The following TSPEAR variants were observed in gnomAD, a reference collection of about 807,000 sequenced individuals.
TSPEAR encodes the protein thrombospondin type laminin G domain and EAR repeats.
Under a neutral mutation model 71.6 loss-of-function variants are expected in TSPEAR, and 69 were observed. The observed-to-expected ratio is 0.96, with a 90% CI of 0.79 to 1.18. The LOEUF is 1.18. Among genes scored for constraint, TSPEAR ranks in the 50% most tolerant of loss-of-function variants. TSPEAR has a pLI of 0.00. For synonymous variants in TSPEAR, 402 were observed against 387.2 expected, an observed-to-expected ratio of 1.04 and a Z score of -0.45; for missense variants, 971 against 894.9, an observed-to-expected ratio of 1.09 and a Z score of -1.09.
chr21:44,700,627 C>T (rs1388657310), intron 1 of TSPEAR, among the ~76,000 whole-genome samples: 2 of 152,204 alleles, frequency 1.3e-5, no homozygotes, highest in Non-Finnish European at 2.9e-5. Flanking sequence ...GGGAACTTCA[C>T]GGTTAAAGAA....
chr21:44,550,494 T>G, intron 2 of TSPEAR: 2 of 824,852 alleles, frequency 2.4e-6, no homozygotes, highest in South Asian at 1.8e-5. Context: ...GGAAGCACCG[T>G]GAGGAGAAGC....
intron 1 of TSPEAR, among the ~76,000 whole-genome samples, chr21:44,685,189 G>A (rs1275384367): frequency 5.3e-5 from 8 of 152,228 alleles, no homozygotes; most frequent in Admixed American, 2.6e-4. Flanking sequence ...GCAGGCACAG[G>A]AGGACCCACA....
At chr21:44,583,472 G>A (rs1441741463) in intron 1 of TSPEAR, among the ~76,000 whole-genome samples, 3 of 152,224 alleles carry the variant, frequency 2.0e-5, no homozygotes, top group African/African-American at 7.2e-5. Context: ...GTGTTGGCTG[G>A]TTTGTCGCAA....
chr21:44,651,544 C>G (rs974422349), intron 1 of TSPEAR, among the ~76,000 whole-genome samples: 3 of 152,104 alleles, frequency 2.0e-5, no homozygotes, highest in East Asian at 1.9e-4. Flanking sequence ...ATGGCTCGAG[C>G]CCTTGGTTCA....
intron 1 of TSPEAR, among the ~76,000 whole-genome samples, chr21:44,694,372 G>C (rs530637797): frequency 1.1e-4 from 16 of 152,218 alleles, no homozygotes; most frequent in Non-Finnish European, 2.4e-4. Context: ...CAACTTCACA[G>C]AAACAGAAAG....
rs200684127 is a variant in TSPEAR at position 44,580,050 on chromosome 21, A to G, written c.83-12045T>C. On this transcript the variant is annotated intron_variant, in intron 1 of 11. Transcript: ENST00000323084. ...GGTTTGCAGCAGACAGGCTTGCAAC[A>G]GACAGGCACGTAGCAGGACTGCTGG... 76 of 1,594,408 alleles carry G rather than the reference A, an allele frequency of 4.8e-5. 1 individual carries two copies. Among genetic ancestry groups the G allele is most frequent in the Middle Eastern group, 3.3e-4 (2 of 6,012 alleles).
chr21:44,697,816 C>CG, intron 1 of TSPEAR: 1 of 1,613,380 alleles, frequency 6.2e-7, no homozygotes, highest in South Asian at 1.1e-5. Context: ...TGTGCAGACC[C>CG]GCCCGCCGCG....
At position 44,530,011 on chromosome 21, in the gene TSPEAR, G is replaced by A. The variant is rs587598165; in HGVS notation, c.634-57C>T. On this transcript the variant is annotated intron_variant, in intron 4 of 11. Coordinates refer to ENST00000323084, the MANE Select transcript of TSPEAR (RefSeq NM_144991.3). ...GCGCTGCTGGGGAAGGACCCGCTGA[G>A]GAGGCGACCACTGAGCTTGGCCCAT... The A allele has an allele frequency of 6.6e-5, 98 of 1,474,266 alleles. 1 individual carries two copies. The Admixed American group carries it at 2.3e-3, about 34-fold the overall frequency. The allele number at this position is 1,474,266 out of a possible 1,614,324, so 91.3% of individuals were successfully genotyped here.
At position 44,675,953 on chromosome 21, in the gene TSPEAR, G is replaced by T. The variant is rs587688295; in HGVS notation, c.82+35480C>A. On this transcript the variant is annotated intron_variant, in intron 1 of 11. Transcript: ENST00000323084. ...TTCCATTATCTGTTTCGTTTCTAGGGTTATTCGGGCTTCCTTCAGCCAGTC... is the reference window on the plus strand; with the variant it reads ...TTCCATTATCTGTTTCGTTTCTAGGTTTATTCGGGCTTCCTTCAGCCAGTC... 53 of 822,218 alleles carry T rather than the reference G, an allele frequency of 6.4e-5. No homozygotes were observed. In the African/African-American group the frequency reaches 7.8e-4, roughly 12 times the overall value. The allele number at this position is 822,218 out of a possible 1,614,324, so 50.9% of individuals were successfully genotyped here.
At chr21:44,581,195 T>G (rs1273186520) in intron 1 of TSPEAR, among the ~76,000 whole-genome samples, 1 of 152,220 alleles carries the variant, frequency 6.6e-6, no homozygotes, top group Non-Finnish European at 1.5e-5. Flanking sequence ...CATGCCACCC[T>G]CAGAGCCCTC....
intron 9 of TSPEAR, among the ~76,000 whole-genome samples, chr21:44,510,420 C>T (rs1191712771): frequency 6.6e-6 from 1 of 152,224 alleles, no homozygotes; most frequent in African/African-American, 2.4e-5. Flanking sequence ...CCCGTGACAG[C>T]AACCACTGGG....
intron 1 of TSPEAR, chr21:44,675,758 G>T: frequency 1.9e-6 from 1 of 513,504 alleles, no homozygotes; most frequent in East Asian, 3.5e-5. Context: ...AACAGTACTT[G>T]TAAGCCTGCT....
chr21:44,655,119 TA>T (rs1985063941), intron 1 of TSPEAR, among the ~76,000 whole-genome samples: 1 of 152,258 alleles, frequency 6.6e-6, no homozygotes, highest in Non-Finnish European at 1.5e-5. Flanking sequence ...CACAGAGGTC[TA>T]GCACTGTGCC....
chr21:44,516,945 G>A (rs782008005), intron 9 of TSPEAR, among the ~76,000 whole-genome samples: 8 of 152,058 alleles, frequency 5.3e-5, no homozygotes, highest in Non-Finnish European at 7.4e-5. Flanking sequence ...TCTTCCCATC[G>A]CAGGAGCCCC....
intron 1 of TSPEAR, among the ~76,000 whole-genome samples, chr21:44,700,528 C>T (rs782036215): frequency 5.3e-5 from 8 of 152,186 alleles, no homozygotes; most frequent in Non-Finnish European, 8.8e-5. Context: ...CTGGAGGCCC[C>T]GGGGGTGCCG....
chr21:44,622,688 A>G (rs1555933695), intron 1 of TSPEAR, among the ~76,000 whole-genome samples: 1 of 152,186 alleles, frequency 6.6e-6, no homozygotes, highest in Non-Finnish European at 1.5e-5. Context: ...TAAAGACATT[A>G]GTCATTGGAT....
chr21:44,613,097 G>C, intron 1 of TSPEAR: 1 of 688,328 alleles, frequency 1.5e-6, no homozygotes. Flanking sequence ...CTGCCTGCTG[G>C]GTCCCCTGTC....
chr21:44,557,589 C>A (rs1364089052), intron 2 of TSPEAR, among the ~76,000 whole-genome samples: 1 of 152,080 alleles, frequency 6.6e-6, no homozygotes, highest in Non-Finnish European at 1.5e-5. Context: ...CAGAGAAGCA[C>A]CCCCGGGGCC....
At chr21:44,674,258 T>TA (rs1225802043) in intron 1 of TSPEAR, among the ~76,000 whole-genome samples, 16 of 146,128 alleles carry the variant, frequency 1.1e-4, no homozygotes, top group Non-Finnish European at 2.2e-4. Flanking sequence ...AAATAGACTT[T>TA]AAAAAAATAC....
Sources: gnomAD v4.1 joint callset for allele counts (sites outside exome capture counted in the v4.1 genomes callset) on GRCh38, gnomAD v4.1.1 for gene constraint, MANE v1.5 for transcripts, NCBI Gene and HGNC (gene_info 2026-07-23, HGNC 2026-07-21) for gene names.